Variants in BDNF observed in about 807,000 individuals in gnomAD.
The protein encoded by BDNF is neurotrophic factor BDNF precursor form.
In BDNF, 1 loss-of-function variant was observed where a neutral mutation model predicts 19.5. That is an observed-to-expected ratio of 0.05 (90% CI 0.02 to 0.24). BDNF has a LOEUF of 0.24. BDNF is among the 10% of genes least tolerant of loss of function. BDNF has a pLI of 1.00. For missense variants in BDNF, 195 were observed against 317.6 expected, an observed-to-expected ratio of 0.61 and a Z score of 2.93; for synonymous variants, 100 against 121.6, an observed-to-expected ratio of 0.82 and a Z score of 1.17.
intron 1 of BDNF, among the ~76,000 whole-genome samples, chr11:27,661,413 A>T (rs1014254879): frequency 1.3e-5 from 2 of 152,216 alleles, no homozygotes; most frequent in Admixed American, 6.5e-5. Flanking sequence ...ATAGCCTTCC[A>T]ATCCAGTCAG....
chr11:27,685,265 C>T (rs552848663), intron 1 of BDNF, among the ~76,000 whole-genome samples: 5 of 152,042 alleles, frequency 3.3e-5, no homozygotes, highest in Middle Eastern at 6.8e-3. Flanking sequence ...TCTTTTATTG[C>T]GTCTATTTGA....
chr11:27,689,802 C>G (rs540578442), intron 1 of BDNF, among the ~76,000 whole-genome samples: 5 of 152,222 alleles, frequency 3.3e-5, no homozygotes, highest in Middle Eastern at 3.4e-3. Context: ...CTGCACCTAT[C>G]AACCCATCAC....
chr11:27,671,942 A>C (rs1855451623), intron 1 of BDNF, among the ~76,000 whole-genome samples: 4 of 152,180 alleles, frequency 2.6e-5, no homozygotes, highest in Admixed American at 2.6e-4. Context: ...AAGGAAATAA[A>C]AGGTTGAAGT....
At chr11:27,682,215 C>A (rs1385413047) in intron 1 of BDNF, among the ~76,000 whole-genome samples, 1 of 151,878 alleles carries the variant, frequency 6.6e-6, no homozygotes, top group Non-Finnish European at 1.5e-5. Flanking sequence ...CCCATACATC[C>A]AAACCATCTG....
intron 1 of BDNF, among the ~76,000 whole-genome samples, chr11:27,672,175 A>G (rs1855483709): frequency 1.3e-5 from 2 of 152,170 alleles, no homozygotes; most frequent in South Asian, 4.1e-4. Flanking sequence ...TAGAAAGTAC[A>G]GGCTACTTAT....
intron 1 of BDNF, among the ~76,000 whole-genome samples, chr11:27,688,475 C>A (rs1296118489): frequency 6.6e-6 from 1 of 152,196 alleles, no homozygotes; most frequent in East Asian, 1.9e-4. Context: ...ACTCCTGCAG[C>A]TAACTGGGTG....
intron 1 of BDNF, among the ~76,000 whole-genome samples, chr11:27,696,018 C>G (rs749435602): frequency 9.9e-5 from 15 of 152,140 alleles, no homozygotes; most frequent in Non-Finnish European, 1.9e-4. Context: ...CCTCCTCTCC[C>G]CTGCAAAAGG....
In BDNF at chr11:27,658,414, C is replaced by G. The variant is rs746682028; in HGVS notation, c.151G>C (p.Ala51Pro). The stretch of plus-strand genomic sequence containing the variant: ...AATGATGTCAAGCCTCTTGAACCTG[C>G]CTTGGGCCCATTCACGCTCTCCAGA... ...GTLESVNGPK[A>P]GSRGLTSLAD... The change falls in exon 2 of 2, where the codon GCA becomes CCA. Residue 51 changes from alanine to proline, a missense_variant. By Grantham distance (27) the Ala-to-Pro change is conservative. Around this residue, in one of 2 missense-constraint regions of BDNF, gnomAD observed 124 missense variants for 155.0 expected, o/e 0.80. Transcript: ENST00000356660. The surrounding 1 kb of genome is among the most constrained non-coding windows in gnomAD (Gnocchi z 5.7). The G allele has an allele frequency of 5.0e-6, 8 of 1,614,196 alleles. No homozygotes were observed. The highest frequency in any genetic ancestry group is 6.8e-6 in the Non-Finnish European group (8 of 1,180,038).
In BDNF at chr11:27,721,244, A is replaced by T. The variant is rs542383313; in HGVS notation, c.3+168T>A. 1.4e-4 allele frequency among the ~76,000 whole-genome samples: 21 copies of T among 152,142 alleles called. No individual in the cohort carries two copies. The East Asian group carries it at 4.1e-3, about 29-fold the overall frequency. ...ACGCAGTTCCACATAGCTGTGTCAA[A>T]TCTCAAATGATTCCAATTAAAGTTG... is the stretch of plus-strand genomic sequence containing the variant. On this transcript the variant is annotated intron_variant, in intron 1 of 1. Transcript: ENST00000314915.
At chr11:27,686,750 T>A (rs192542665) in intron 1 of BDNF, among the ~76,000 whole-genome samples, 7 of 152,358 alleles carry the variant, frequency 4.6e-5, no homozygotes, top group Non-Finnish European at 8.8e-5. Flanking sequence ...CTTGTAGGCT[T>A]GTAGGGTTTC....
intron 1 of BDNF, among the ~76,000 whole-genome samples, chr11:27,664,245 T>C (rs868255065): frequency 1.3e-5 from 2 of 152,264 alleles, no homozygotes; most frequent in South Asian, 2.1e-4. Flanking sequence ...CAAATCAATA[T>C]TTAAAAATTT....
chr11:27,683,887 G>A (rs918475656), intron 1 of BDNF, among the ~76,000 whole-genome samples: 4 of 152,142 alleles, frequency 2.6e-5, no homozygotes, highest in Non-Finnish European at 5.9e-5. Context: ...TGGCTATACG[G>A]GCTGTTTTTT....
intron 1 of BDNF, among the ~76,000 whole-genome samples, chr11:27,719,193 A>G (rs1029735225): frequency 1.1e-4 from 16 of 152,046 alleles, no homozygotes; most frequent in Non-Finnish European, 2.2e-4. Flanking sequence ...CGCCGCTTCT[A>G]TCTCACCCGC....
Position 27,657,241 on chromosome 11 carries a change from A to G in BDNF, c.*580T>C, listed in dbSNP as rs1239325503. The G allele has an allele frequency of 1.0e-6, 1 of 986,928 alleles. No homozygotes were observed. The highest frequency in any genetic ancestry group is 1.2e-6 in the Non-Finnish European group (1 of 830,584). 61.1% of individuals were successfully genotyped at this position (986,928 alleles called of 1,614,324 possible). On this transcript the variant is annotated 3_prime_UTR_variant, in exon 2 of 2. Transcript: ENST00000356660. This position sits in a 1 kb window ranked among gnomAD's most constrained non-coding sequence, Gnocchi z 5.0. ...CCTGTGGGAACTAAAAAACAAAACA[A>G]ACAAACGAAAAAAAAACACAAAACA...
chr11:27,701,215 AAT>A, upstream of BDNF: 1 of 1,190,690 alleles, frequency 8.4e-7, no homozygotes, highest in Non-Finnish European at 1.1e-6. Context: ...AAGCCCAGGC[AAT>A]GACAGACCTC....
chr11:27,678,205 T>C (rs1031304863), intron 1 of BDNF, among the ~76,000 whole-genome samples: 2 of 152,224 alleles, frequency 1.3e-5, no homozygotes, highest in Non-Finnish European at 2.9e-5. Context: ...ACACCCTGCC[T>C]AACTCACAGC....
intron 1 of BDNF, chr11:27,721,282 A>G: frequency 9.2e-7 from 1 of 1,089,990 alleles, no homozygotes; most frequent in Non-Finnish European, 1.4e-6. Flanking sequence ...CTGTGTAAAA[A>G]CCCGATTCCC....
At chr11:27,671,226 C>T (rs1049495510) in intron 1 of BDNF, among the ~76,000 whole-genome samples, 3 of 151,756 alleles carry the variant, frequency 2.0e-5, no homozygotes, top group Non-Finnish European at 4.4e-5. Context: ...TTAATGGGTG[C>T]AGCACACCAA....
chr11:27,662,462 AG>A (rs1853617257), intron 1 of BDNF, among the ~76,000 whole-genome samples: 1 of 152,224 alleles, frequency 6.6e-6, no homozygotes, highest in South Asian at 2.1e-4. Flanking sequence ...TGAAATTCTC[AG>A]GTAAATATAG....
Sources: allele counts gnomAD v4.1 joint callset (sites outside exome capture counted in the v4.1 genomes callset), GRCh38; gene constraint gnomAD v4.1.1; regional missense constraint gnomAD v4.1.1; non-coding constraint Gnocchi (gnomAD v3.1); transcripts MANE v1.5; gene names NCBI Gene and HGNC (gene_info 2026-07-23, HGNC 2026-07-21).